The following TTC27 variants were observed in gnomAD, a reference collection of about 807,000 sequenced individuals.
The protein encoded by TTC27 is tetratricopeptide repeat domain 27.
Under a neutral mutation model 115.9 loss-of-function variants are expected in TTC27, and 79 were observed. The observed-to-expected ratio is 0.68, with a 90% CI of 0.57 to 0.82. TTC27 has a LOEUF of 0.82. Among genes scored for constraint, TTC27 ranks in the 40% least tolerant of loss-of-function variants. The pLI is 0.00. For synonymous variants in TTC27, 401 were observed against 356.0 expected, an observed-to-expected ratio of 1.13 and a Z score of -1.42; for missense variants, 1,054 against 993.1, an observed-to-expected ratio of 1.06 and a Z score of -0.82.
intron 5 of TTC27, among the ~76,000 whole-genome samples, chr2:32,653,200 G>A (rs1433379616): frequency 6.6e-6 from 1 of 152,150 alleles, no homozygotes; most frequent in African/African-American, 2.4e-5. Context: ...TCATGAAGTC[G>A]CTAAGAGAAA....
At chr2:32,671,704 T>C (rs1019973613) in intron 7 of TTC27, among the ~76,000 whole-genome samples, 1 of 152,240 alleles carries the variant, frequency 6.6e-6, no homozygotes, top group Admixed American at 6.5e-5. Flanking sequence ...TAGAATGAGC[T>C]TGTCACAGTT....
At chr2:32,684,335 T>G (rs1666555560) in intron 9 of TTC27, among the ~76,000 whole-genome samples, 1 of 152,048 alleles carries the variant, frequency 6.6e-6, no homozygotes, top group Non-Finnish European at 1.5e-5. Context: ...TGTTGGACAT[T>G]TGGGTTGGTT....
intron 4 of TTC27, among the ~76,000 whole-genome samples, chr2:32,648,153 G>GT (rs541912507): frequency 4.2e-4 from 63 of 151,202 alleles, no homozygotes; most frequent in Non-Finnish European, 6.8e-4. Context: ...TTGAGACGGA[G>GT]TTTCACTCTT....
chr2:32,795,132 G>GAAAAAAAAAA (rs61698560), intron 16 of TTC27, among the ~76,000 whole-genome samples: 1 of 141,104 alleles, frequency 7.1e-6, no homozygotes, highest in Non-Finnish European at 1.6e-5. Flanking sequence ...GACATTACAA[G>GAAAAAAAAAA]AAAAAAAAAA....
chr2:32,780,040 T>G, intron 14 of TTC27: 1 of 449,880 alleles, frequency 2.2e-6, no homozygotes, highest in Non-Finnish European at 4.7e-6. Flanking sequence ...TATGTCACAT[T>G]TCATTGACTA....
chr2:32,734,619 T>C (rs1167218683), intron 11 of TTC27, among the ~76,000 whole-genome samples: 1 of 152,086 alleles, frequency 6.6e-6, no homozygotes, highest in Non-Finnish European at 1.5e-5. Context: ...TAGGTGTAGT[T>C]CCCTATTTTG....
chr2:32,679,613 G>C (rs1001090128), intron 9 of TTC27, among the ~76,000 whole-genome samples: 1 of 152,114 alleles, frequency 6.6e-6, no homozygotes, highest in South Asian at 2.1e-4. Flanking sequence ...TATCTTAGTT[G>C]GGAATCCATT....
chr2:32,640,710 T>A (rs994295825), intron 4 of TTC27, among the ~76,000 whole-genome samples: 1 of 152,126 alleles, frequency 6.6e-6, no homozygotes, highest in African/African-American at 2.4e-5. Flanking sequence ...GGGCTGGGCA[T>A]GGTGGCTCAC....
chr2:32,733,781 T>A, intron 10 of TTC27, 47 bp from the exon 11 acceptor site: 1 of 1,197,404 alleles, frequency 8.4e-7, no homozygotes, highest in Non-Finnish European at 1.2e-6. Flanking sequence ...CTTATTTATA[T>A]TATAAGTTAT....
intron 1 of TTC27, 72 bp downstream of exon 1, chr2:32,628,452 C>G (rs1160637610): frequency 1.5e-6 from 2 of 1,355,212 alleles, no homozygotes; most frequent in East Asian, 2.6e-5. Flanking sequence ...GCGACTGATT[C>G]TCATCCCTCC....
intron 16 of TTC27, among the ~76,000 whole-genome samples, chr2:32,798,860 AT>A (rs1307810595): frequency 6.6e-6 from 1 of 152,214 alleles, no homozygotes; most frequent in Non-Finnish European, 1.5e-5. Flanking sequence ...TGGAATTACC[AT>A]ATGGTCCAGC....
At chr2:32,809,947 T>G (rs567041270) in intron 16 of TTC27, among the ~76,000 whole-genome samples, 1 of 151,922 alleles carries the variant, frequency 6.6e-6, no homozygotes, top group South Asian at 2.1e-4. Flanking sequence ...TGAAACCCCA[T>G]CTCTACTAAA....
chr2:32,702,151 T>G (rs948995994), intron 9 of TTC27, among the ~76,000 whole-genome samples: 11 of 152,148 alleles, frequency 7.2e-5, no homozygotes, highest in African/African-American at 2.7e-4. Flanking sequence ...AGTGATTAAT[T>G]GTACTCTAAG....
Position 32,650,211 on chromosome 2 carries a change from T to C in TTC27, c.618T>C (p.Leu206=), listed in dbSNP as rs1017798914. The part of the protein sequence containing the change: ...LEERSPLLFT[L]AENCIDQVMK... ...AACGCTCACCTCTGCTTTTTACTCT[T>C]GCCGAAAACTGTATTGATCAAGGTA... Residue 206 remains leucine, a synonymous_variant, in exon 5 of 20, where the codon CTT becomes CTC. Coordinates refer to ENST00000317907, the MANE Select transcript of TTC27 (RefSeq NM_017735.5). 3 of 1,613,790 alleles carry C rather than the reference T, an allele frequency of 1.9e-6. No homozygotes were observed. Among genetic ancestry groups the C allele is most frequent in the Admixed American group, 3.3e-5 (2 of 59,990 alleles).
intron 5 of TTC27, among the ~76,000 whole-genome samples, chr2:32,663,986 C>T (rs566640520): frequency 1.4e-5 from 2 of 146,314 alleles, no homozygotes; most frequent in South Asian, 2.1e-4. Context: ...CCCGTCCCCC[C>T]ACTATTTTTT....
chr2:32,783,034 CATT>C (rs1229864921), intron 15 of TTC27, among the ~76,000 whole-genome samples: 2 of 152,032 alleles, frequency 1.3e-5, no homozygotes, highest in African/African-American at 2.4e-5. Flanking sequence ...TTGTACTAGA[CATT>C]ATTGAGAAAT....
At chr2:32,791,294 G>C (rs3851313) in intron 16 of TTC27, among the ~76,000 whole-genome samples, 70,851 of 151,742 alleles carry the variant, frequency 0.47, 17,423 homozygotes, top group African/African-American at 0.62. Flanking sequence ...TTCCTTTTTT[G>C]TTTTTCTGGA....
chr2:32,804,717 CATA>C (rs1302915611), intron 16 of TTC27, among the ~76,000 whole-genome samples: 2 of 150,978 alleles, frequency 1.3e-5, no homozygotes, highest in East Asian at 1.9e-4. Flanking sequence ...ACCCAATAAG[CATA>C]ATGTTACAGT....
chr2:32,756,641 C>T (rs1385679350), intron 12 of TTC27, among the ~76,000 whole-genome samples: 1 of 152,154 alleles, frequency 6.6e-6, no homozygotes, highest in Non-Finnish European at 1.5e-5. Context: ...TATAGATATG[C>T]CCAACCTAAA....
Sources: allele counts gnomAD v4.1 joint callset (sites outside exome capture counted in the v4.1 genomes callset), GRCh38; gene constraint gnomAD v4.1.1; transcripts MANE v1.5; gene names NCBI Gene and HGNC (gene_info 2026-07-23, HGNC 2026-07-21).